Variants in ARID4B observed in about 807,000 individuals in gnomAD.
ARID4B encodes AT-rich interactive domain-containing protein 4B.
A neutral mutation model predicts 147.5 loss-of-function variants in ARID4B; 26 were observed. That is an observed-to-expected ratio of 0.18 (90% CI 0.13 to 0.24). ARID4B has a LOEUF of 0.24. ARID4B is among the 10% of genes least tolerant of loss of function. ARID4B has a pLI of 1.00. For synonymous variants in ARID4B, 512 were observed against 507.9 expected, an observed-to-expected ratio of 1.01 and a Z score of -0.11; for missense variants, 1,179 against 1,511.5, an observed-to-expected ratio of 0.78 and a Z score of 3.65.
chr1:235,231,205 A>C lies in ARID4B; in HGVS notation c.666-16T>G. ...AACTGAAGTACTATATATTTTTTTT[A>C]ATTATAAGAGAAGAAAAAAAACCCA... On this transcript the variant is annotated splice_polypyrimidine_tract_variant and intron_variant, in intron 9 of 23. Coordinates refer to ENST00000264183, the MANE Select transcript of ARID4B (RefSeq NM_016374.6). The C allele has an allele frequency of 6.9e-7, 1 of 1,450,546 alleles. No homozygotes were observed. Among genetic ancestry groups the C allele is most frequent in the Non-Finnish European group, 9.3e-7 (1 of 1,070,770 alleles). The allele number at this position is 1,450,546 out of a possible 1,614,324, so 89.9% of individuals were successfully genotyped here. A position where few individuals can be genotyped will look rare whatever the true frequency, so the allele number is the denominator to read the frequency against.
At position 235,182,365 on chromosome 1, in the gene ARID4B, G is replaced by A. The variant is rs1468202856; in HGVS notation, c.2554C>T (p.Leu852Phe). ...CTGTTGCTACTGTTTTCCATGCAAA[G>A]TGATTCTTTGTTCTTGGCCTTCTCT... ...KEEKAKNKES[L>F]CMENSSNSSS... Residue 852 changes from leucine to phenylalanine, a missense_variant, in exon 20 of 24, where the codon CTT becomes TTT. Leu to Phe is a conservative substitution (Grantham distance 22, BLOSUM62 0). Transcript: ENST00000264183. 1 of 1,611,818 alleles carries A rather than the reference G, an allele frequency of 6.2e-7. No homozygotes were observed. The highest frequency in any genetic ancestry group is 1.3e-5 in the African/African-American group (1 of 74,698).
At chr1:235,299,157 T>C (rs1304694306) in intron 2 of ARID4B, among the ~76,000 whole-genome samples, 1 of 152,234 alleles carries the variant, frequency 6.6e-6, no homozygotes, top group Non-Finnish European at 1.5e-5. Context: ...GTGACCCTAA[T>C]ACAAGTTCAT....
At chr1:235,173,951 G>T (rs966613649) in intron 22 of ARID4B, among the ~76,000 whole-genome samples, 8 of 149,888 alleles carry the variant, frequency 5.3e-5, no homozygotes, top group African/African-American at 2.0e-4. Context: ...TCAATTTATG[G>T]CAAAACCTGT....
intron 17 of ARID4B, among the ~76,000 whole-genome samples, chr1:235,196,789 T>A (rs1464730119): frequency 2.0e-5 from 3 of 149,644 alleles, no homozygotes; most frequent in Non-Finnish European, 3.0e-5. Context: ...GGAGCGGAGC[T>A]TGCAGTGAGC....
At chr1:235,196,371 C>T (rs1005039531) in intron 17 of ARID4B, among the ~76,000 whole-genome samples, 2 of 152,166 alleles carry the variant, frequency 1.3e-5, no homozygotes, top group African/African-American at 2.4e-5. Context: ...CCTCAACTAG[C>T]ACTGCTTACT....
Position 235,220,321 on chromosome 1 carries a change from T to C in ARID4B, c.1388A>G (p.Glu463Gly). 1.2e-6 allele frequency: 2 copies of C among 1,601,368 alleles called. No homozygotes were observed. Among genetic ancestry groups the C allele is most frequent in the Non-Finnish European group, 1.7e-6 (2 of 1,175,470 alleles). The change falls in exon 15 of 24, where the codon GAA (glutamate) becomes GGA (glycine). Residue 463 changes from glutamate (E) to glycine (G), a missense_variant. Transcript: ENST00000264183. ...ATTTACCAGAGAGGGCTTAATATTTTCTTTTCTTTCAATTTCATCCTCAAT... is the reference window on the plus strand; with the variant it reads ...ATTTACCAGAGAGGGCTTAATATTTCCTTTTCTTTCAATTTCATCCTCAAT... ...KPIEDEIERK[E>G]NIKPSLGSKK...
In ARID4B at chr1:235,182,751, C is replaced by G. The variant is rs954331722; in HGVS notation, c.2168G>C (p.Arg723Thr). 1 of 1,605,672 alleles carries G rather than the reference C, an allele frequency of 6.2e-7. No homozygotes were observed. The highest frequency in any genetic ancestry group is 8.5e-7 in the Non-Finnish European group (1 of 1,176,404). ...SAEDSEQEDERGAQDMDNNGK... is the reference protein window; with the variant it reads ...SAEDSEQEDETGAQDMDNNGK... Reference sequence around the variant, plus strand: ...ATTATTATCCATGTCTTGAGCACCTCTCTCATCTTCCTGCTCACTGTCTTC... The same window carrying G: ...ATTATTATCCATGTCTTGAGCACCTGTCTCATCTTCCTGCTCACTGTCTTC... The change falls in exon 20 of 24, where the codon AGA becomes ACA. Residue 723 changes from arginine (R) to threonine (T), a missense_variant. Arg to Thr is a moderately conservative substitution (Grantham distance 71, BLOSUM62 -1). Around this residue, in one of 10 missense-constraint regions of ARID4B, gnomAD observed 321 missense variants for 342.4 expected, o/e 0.94. Transcript: ENST00000264183.
chr1:235,197,732 GT>G (rs575652206), intron 17 of ARID4B, among the ~76,000 whole-genome samples: 3 of 152,044 alleles, frequency 2.0e-5, no homozygotes, highest in Non-Finnish European at 2.9e-5. Context: ...CCATATATGG[GT>G]TTTTTTGTAG....
At chr1:235,173,762 AAAAAAAAAAATAT>A (rs1476227224) in intron 22 of ARID4B, among the ~76,000 whole-genome samples, 6 of 53,310 alleles carry the variant, frequency 1.1e-4, no homozygotes, top group African/African-American at 3.2e-4. Flanking sequence ...AAAAAAAAAA[AAAAAAAAAAATAT>A]ATATATATAT....
rs759775660 is a variant in ARID4B, at chr1:235,182,478, T to G, written c.2441A>C (p.Lys814Thr). ...RKDVKKDTTD[K>T]SSKPQIKRGK... is the part of the protein sequence containing the mutation. ...ACGTTTTATTTGTGGTTTTGAAGAT[T>G]TATCTGTTGTGTCCTTCTTGACATC... Residue 814 changes from lysine (K) to threonine (T), a missense_variant, in exon 20 of 24, where the codon AAA (lysine) becomes ACA (threonine). This residue lies in a region of ARID4B where 321 missense variants were observed against 342.4 expected (regional missense o/e 0.94). Transcript: ENST00000264183. 1 of 1,613,504 alleles carries G rather than the reference T, an allele frequency of 6.2e-7. No individual in the cohort carries two copies. The highest frequency in any genetic ancestry group is 1.1e-5 in the South Asian group (1 of 90,856).
chr1:235,327,097 A>AC (rs1675333805), intron 1 of ARID4B, 129 bp from the exon 2 acceptor site: 1 of 650,812 alleles, frequency 1.5e-6, no homozygotes, highest in South Asian at 1.8e-5. Context: ...CAGCCCCCGA[A>AC]CCATCACACG....
chr1:235,187,936 T>C (rs188499586), intron 19 of ARID4B, among the ~76,000 whole-genome samples: 27 of 152,256 alleles, frequency 1.8e-4, no homozygotes, highest in African/African-American at 6.3e-4. Flanking sequence ...ACTAATTAAA[T>C]AAATTATGAT....
intron 2 of ARID4B, among the ~76,000 whole-genome samples, chr1:235,287,313 T>G (rs1672042029): frequency 6.6e-6 from 1 of 152,072 alleles, no homozygotes; most frequent in African/African-American, 2.4e-5. Context: ...TGACTTCTAT[T>G]TCAGAAGAGC....
intron 17 of ARID4B, among the ~76,000 whole-genome samples, chr1:235,203,320 A>C (rs1666078854): frequency 6.6e-6 from 1 of 152,236 alleles, no homozygotes; most frequent in African/African-American, 2.4e-5. Context: ...AAAATGGTTA[A>C]TATGCCCACA....
intron 16 of ARID4B, among the ~76,000 whole-genome samples, chr1:235,215,478 T>C (rs778647155): frequency 2.0e-5 from 3 of 151,300 alleles, no homozygotes; most frequent in African/African-American, 7.3e-5. Flanking sequence ...TATATTAAAA[T>C]ATATGCTATA....
chr1:235,264,651 T>C (rs927854750), intron 2 of ARID4B, among the ~76,000 whole-genome samples: 1 of 152,220 alleles, frequency 6.6e-6, no homozygotes, highest in Non-Finnish European at 1.5e-5. Flanking sequence ...GGTAGTCAGC[T>C]AGGAAGTTAT....
intron 8 of ARID4B, among the ~76,000 whole-genome samples, chr1:235,237,282 T>G (rs1443499689): frequency 6.6e-6 from 1 of 152,086 alleles, no homozygotes; most frequent in African/African-American, 2.4e-5. Context: ...ACCCAAAGTG[T>G]GGCAACTAAC....
At chr1:235,302,277 GAGGA>G (rs1281683993) in intron 2 of ARID4B, among the ~76,000 whole-genome samples, 33 of 111,264 alleles carry the variant, frequency 3.0e-4, no homozygotes, top group African/African-American at 8.4e-4. Context: ...GGAGGGAGGG[GAGGA>G]AGGAAGGAAG....
rs147171628 is a variant in ARID4B at position 235,182,531 on chromosome 1, T to C, written c.2388A>G (p.Glu796=). 2.9e-5 allele frequency: 46 copies of C among 1,613,068 alleles called. No individual in the cohort carries two copies. Among genetic ancestry groups the C allele is most frequent in the Non-Finnish European group, 3.3e-5 (39 of 1,179,876 alleles). Residue 796 remains glutamate (E), a synonymous_variant, in exon 20 of 24, where the codon GAA becomes GAG. Coordinates refer to ENST00000264183, the MANE Select transcript of ARID4B (RefSeq NM_016374.6). ...IEVLSEDTDY[E]EDEVTKKRKD... ...TTCTCTTTTTTGTGACTTCATCTTC[T>C]TCATAATCAGTATCTTCGGATAATA...
Sources: gnomAD v4.1 joint callset for allele counts (sites outside exome capture counted in the v4.1 genomes callset) on GRCh38, gnomAD v4.1.1 for gene constraint, gnomAD v4.1.1 regional missense constraint, MANE v1.5 for transcripts, NCBI Gene and HGNC (gene_info 2026-07-23, HGNC 2026-07-21) for gene names.